Variants in SPART observed in about 807,000 individuals in gnomAD.
SPART encodes the protein spartin, also known as spastic paraplegia 20 (Troyer syndrome).
Under a neutral mutation model 58.7 loss-of-function variants are expected in SPART, and 35 were observed. The ratio of observed to expected loss-of-function variants is 0.60; its 90% CI spans 0.46 to 0.79. The LOEUF (loss-of-function observed/expected upper bound fraction) is 0.79. Ranked by LOEUF, SPART falls within the 30% of genes least tolerant of loss-of-function variation. SPART has a pLI of 0.00. For missense variants in SPART, 730 were observed against 786.1 expected (o/e 0.93, Z 0.85); for synonymous variants, 284 against 280.7 (o/e 1.01, Z -0.12).
intron 1 of SPART, 84 bp from the exon 2 acceptor site, chr13:36,335,916 G>A (rs927306690): frequency 1.9e-6 from 2 of 1,071,338 alleles, no homozygotes; most frequent in African/African-American, 3.1e-5. Context: ...TATATTTTAA[G>A]AGGACAAGTG....
chr13:36,312,071 G>A (rs1470164509), intron 8 of SPART, 74 bp downstream of exon 8: 1 of 1,428,674 alleles, frequency 7.0e-7, no homozygotes, highest in Non-Finnish European at 9.8e-7. Context: ...TGGGCAACAA[G>A]AGAAACTCCC....
chr13:36,367,893 A>G (rs1028105696), intron 1 of SPART, among the ~76,000 whole-genome samples: 8 of 152,190 alleles, frequency 5.3e-5, no homozygotes, highest in Non-Finnish European at 1.0e-4. Flanking sequence ...ATTTTTCCTA[A>G]GCTTTTAAAA....
chr13:36,316,302 G>A (rs1219575578), intron 5 of SPART, among the ~76,000 whole-genome samples: 1 of 152,242 alleles, frequency 6.6e-6, no homozygotes, highest in Non-Finnish European at 1.5e-5. Flanking sequence ...ACCAGGTGCA[G>A]TGGCTCACGC....
intron 1 of SPART, among the ~76,000 whole-genome samples, chr13:36,352,965 T>C (rs1885477743): frequency 6.6e-6 from 1 of 151,680 alleles, no homozygotes; most frequent in South Asian, 2.1e-4. Context: ...GTCTCAAAAA[T>C]AGAAAATTTA....
At chr13:36,339,502 T>G (rs1253741132) in intron 1 of SPART, among the ~76,000 whole-genome samples, 6 of 151,182 alleles carry the variant, frequency 4.0e-5, no homozygotes, top group African/African-American at 1.5e-4. Context: ...CATCATGGCA[T>G]GCACCTGTAC....
chr13:36,318,469 C>A (rs1881978380), intron 5 of SPART, among the ~76,000 whole-genome samples: 1 of 152,194 alleles, frequency 6.6e-6, no homozygotes, highest in African/African-American at 2.4e-5. Flanking sequence ...TCTCAAAATA[C>A]ATTTTATTAC....
chr13:36,325,471 C>A (rs1882839270), intron 5 of SPART, among the ~76,000 whole-genome samples: 2 of 152,112 alleles, frequency 1.3e-5, no homozygotes, highest in Admixed American at 6.5e-5. Flanking sequence ...CTGCTTTAGA[C>A]ATCTTTTAAA....
In SPART at chr13:36,304,330, A is replaced by G. The variant is rs1204754126; in HGVS notation, c.*35T>C. Reference sequence around the variant, plus strand: ...TATTTAACAAAATTTCATCCATTTCATAAGGCTTTGGTATAAGTGATTCCC... The same window carrying G: ...TATTTAACAAAATTTCATCCATTTCGTAAGGCTTTGGTATAAGTGATTCCC... On this transcript the variant is annotated 3_prime_UTR_variant, in exon 9 of 9. Transcript: ENST00000438666. 6.2e-7 allele frequency: 1 copy of G among 1,613,732 alleles called. No homozygotes were observed. The highest frequency in any genetic ancestry group is 8.5e-7 in the Non-Finnish European group (1 of 1,179,804).
chr13:36,310,759 A>G (rs1334771146), intron 8 of SPART, among the ~76,000 whole-genome samples: 1 of 152,126 alleles, frequency 6.6e-6, no homozygotes, highest in Non-Finnish European at 1.5e-5. Context: ...TAAACTAGTC[A>G]ATCCACAGGC....
intron 5 of SPART, among the ~76,000 whole-genome samples, chr13:36,319,951 T>C (rs2137399004): frequency 6.6e-6 from 1 of 152,306 alleles, no homozygotes; most frequent in South Asian, 2.1e-4. Flanking sequence ...AAGCACCTTC[T>C]ACAAAACAAC....
chr13:36,354,726 C>T (rs571227258), intron 1 of SPART, among the ~76,000 whole-genome samples: 2 of 152,312 alleles, frequency 1.3e-5, no homozygotes, highest in South Asian at 4.2e-4. Context: ...GGTATAATTG[C>T]TTTCCTAAGT....
At chr13:36,352,309 C>G (rs1266238304) in intron 1 of SPART, among the ~76,000 whole-genome samples, 1 of 152,110 alleles carries the variant, frequency 6.6e-6, no homozygotes, top group Non-Finnish European at 1.5e-5. Context: ...AAAACAATTC[C>G]TTTAACATTT....
chr13:36,351,528 G>A (rs1387544366), intron 1 of SPART, among the ~76,000 whole-genome samples: 2 of 152,070 alleles, frequency 1.3e-5, no homozygotes, highest in African/African-American at 4.8e-5. Context: ...GAACACTATT[G>A]TAACCCTGTC....
Position 36,331,417 on chromosome 13 carries a change from C to A in SPART, c.990G>T (p.Met330Ile), listed in dbSNP as rs369595070. ...AAGTTACCTGGAGCCGAAGGTCAGA[C>A]ATTTGCCTTAACAGATCCTCAAAGA... ...RELFEDLLRQ[M>I]SDLRLQANWN... Residue 330 changes from methionine to isoleucine, a missense_variant, in exon 3 of 9, where the codon ATG (methionine) becomes ATT (isoleucine). Physicochemically the swap from Met to Ile is conservative, Grantham distance 10. Transcript: ENST00000438666. The A allele has an allele frequency of 5.1e-5, 82 of 1,613,966 alleles. No individual in the cohort carries two copies. Among genetic ancestry groups the A allele is most frequent in the Non-Finnish European group, 6.8e-5 (80 of 1,180,008 alleles).
chr13:36,327,951 A>G (rs928688754), intron 4 of SPART, among the ~76,000 whole-genome samples: 1 of 152,068 alleles, frequency 6.6e-6, no homozygotes, highest in African/African-American at 2.4e-5. Flanking sequence ...CTGAGATCGC[A>G]CCACTGCACT....
chr13:36,339,669 A>C (rs1329219682), intron 1 of SPART, among the ~76,000 whole-genome samples: 1 of 151,344 alleles, frequency 6.6e-6, no homozygotes, highest in Admixed American at 6.6e-5. Context: ...AACAAACAAA[A>C]AACCTCCTAG....
rs1185742236 is a variant in SPART, at chr13:36,303,345, G to A, written c.*1020C>T. On this transcript the variant is annotated 3_prime_UTR_variant, in exon 9 of 9. Transcript: ENST00000438666. Reference sequence around the variant, plus strand: ...GTTTTTTAGCCTATGTAAGTAAATAGGGCTGTGAATAGTCTGCCTTCTGCC... The same window carrying A: ...GTTTTTTAGCCTATGTAAGTAAATAAGGCTGTGAATAGTCTGCCTTCTGCC... The A allele has an allele frequency of 6.6e-6, 1 of 152,056 alleles. No homozygotes were observed. The highest frequency in any genetic ancestry group is 2.4e-5 in the African/African-American group (1 of 41,414). 9.4% of individuals were successfully genotyped at this position (152,056 alleles called of 1,614,324 possible). A position where few individuals can be genotyped will look rare whatever the true frequency, so the allele number is the denominator to read the frequency against.
intron 3 of SPART, among the ~76,000 whole-genome samples, chr13:36,330,214 T>A (rs1883330515): frequency 6.6e-6 from 1 of 152,204 alleles, no homozygotes; most frequent in Admixed American, 6.5e-5. Flanking sequence ...CTTAAGAGCA[T>A]CATTTCACTC....
At chr13:36,344,780 G>C (rs1884908392) in intron 1 of SPART, among the ~76,000 whole-genome samples, 1 of 152,092 alleles carries the variant, frequency 6.6e-6, no homozygotes, top group Non-Finnish European at 1.5e-5. Context: ...AATTTTCAAA[G>C]TTAAGAAGAC....
Sources: gnomAD v4.1 joint callset for allele counts (sites outside exome capture counted in the v4.1 genomes callset) on GRCh38, gnomAD v4.1.1 for gene constraint, MANE v1.5 for transcripts, NCBI Gene and HGNC (gene_info 2026-07-23, HGNC 2026-07-21) for gene names.